CD44: variants seen among roughly 807,000 people sequenced by gnomAD.
CD44 encodes CD44 molecule (IN blood group).
Under a neutral mutation model 88.8 loss-of-function variants are expected in CD44, and 49 were observed. The observed-to-expected ratio is 0.55, with a 90% CI of 0.44 to 0.70. The LOEUF (loss-of-function observed/expected upper bound fraction) is 0.70, where lower values mean the gene tolerates loss of function less well. CD44 is among the 30% of genes least tolerant of loss of function. The pLI, the probability that CD44 is intolerant of heterozygous loss-of-function variation, is 0.00. For missense variants in CD44, 883 were observed against 913.8 expected, an observed-to-expected ratio of 0.97 and a Z score of 0.43; for synonymous variants, 325 against 312.3, an observed-to-expected ratio of 1.04 and a Z score of -0.43.
At chr11:35,221,818 C>T (rs757592091) in intron 17 of CD44, 86 bp downstream of exon 17, 60 of 1,232,376 alleles carry the variant, frequency 4.9e-5, no homozygotes, top group Non-Finnish European at 6.6e-5. Flanking sequence ...GAGCGTAGTC[C>T]CTGGAACCAG....
chr11:35,163,495 T>C (rs1427163729), intron 1 of CD44, among the ~76,000 whole-genome samples: 1 of 152,182 alleles, frequency 6.6e-6, no homozygotes, highest in Non-Finnish European at 1.5e-5. Flanking sequence ...GCATCTGTCC[T>C]GGGAAGAACA....
intron 3 of CD44, among the ~76,000 whole-genome samples, chr11:35,183,347 A>T (rs529761266): frequency 9.2e-5 from 14 of 152,058 alleles, no homozygotes; most frequent in African/African-American, 2.9e-4. Flanking sequence ...ACAAAAAAAA[A>T]AAAAGAAAGA....
In CD44 at chr11:35,219,385, C is replaced by T. The variant is rs1348113673; in HGVS notation, c.1943C>T (p.Pro648Leu). 6.2e-7 allele frequency: 1 copy of T among 1,612,444 alleles called. No homozygotes were observed. The highest frequency in any genetic ancestry group is 8.5e-7 in the Non-Finnish European group (1 of 1,178,722). The change falls in exon 16 of 18, where the codon CCA becomes CTA. Residue 648 changes from proline (P) to leucine (L), a missense_variant and splice_region_variant. Pro to Leu is a moderately conservative substitution (Grantham distance 98). This residue lies in a region of CD44 where 631 missense variants were observed against 590.9 expected (regional missense o/e 1.07). Coordinates refer to ENST00000428726, the MANE Select transcript of CD44 (RefSeq NM_000610.4). The part of the protein sequence containing the change: ...TSGPIRTPQI[P>L]EWLIILASLL... Reference sequence around the variant, plus strand: ...GGTCCTATAAGGACACCCCAAATTCCAGGTGAGTTTCAAACTTTGAGGCAG... The same window carrying T: ...GGTCCTATAAGGACACCCCAAATTCTAGGTGAGTTTCAAACTTTGAGGCAG...
At chr11:35,153,287 A>C (rs1941422519) in intron 1 of CD44, among the ~76,000 whole-genome samples, 1 of 152,230 alleles carries the variant, frequency 6.6e-6, no homozygotes, top group South Asian at 2.1e-4. Context: ...AGAAGATAAT[A>C]GGGTAATGGA....
At chr11:35,157,890 C>T (rs576156706) in intron 1 of CD44, among the ~76,000 whole-genome samples, 46 of 152,288 alleles carry the variant, frequency 3.0e-4, no homozygotes, top group Middle Eastern at 3.4e-3. Context: ...CTTGCTGGGG[C>T]TGAGGGGAGT....
intron 5 of CD44, among the ~76,000 whole-genome samples, chr11:35,192,825 C>T (rs1946398862): frequency 7.2e-6 from 1 of 138,066 alleles, no homozygotes; most frequent in Admixed American, 7.5e-5. Flanking sequence ...TCTGGTATGG[C>T]CTATTTGGGT....
At chr11:35,215,025 A>G (rs1472932697) in intron 15 of CD44, 111 bp downstream of exon 15, 2 of 540,062 alleles carry the variant, frequency 3.7e-6, no homozygotes, top group Non-Finnish European at 6.1e-6. Context: ...AAACCTTCTT[A>G]GCATACATCA....
chr11:35,178,801 A>G (rs1484469254), intron 2 of CD44, among the ~76,000 whole-genome samples: 1 of 152,220 alleles, frequency 6.6e-6, no homozygotes, highest in African/African-American at 2.4e-5. Flanking sequence ...ACCAAGAAGT[A>G]TTATTTAGAA....
chr11:35,140,235 T>C (rs1183795970), intron 1 of CD44, among the ~76,000 whole-genome samples: 1 of 152,194 alleles, frequency 6.6e-6, no homozygotes. Context: ...GTCAGTGCTT[T>C]GTGGTGGCTA....
At chr11:35,198,320 C>A in intron 7 of CD44, 74 bp downstream of exon 7, 1 of 1,437,344 alleles carries the variant, frequency 7.0e-7, no homozygotes, top group South Asian at 1.2e-5. Context: ...CAAATTGTAT[C>A]TCTCTTGAGA....
intron 17 of CD44, among the ~76,000 whole-genome samples, chr11:35,225,436 G>A (rs529432565): frequency 6.6e-6 from 1 of 152,278 alleles, no homozygotes; most frequent in African/African-American, 2.4e-5. Context: ...TGATTGCTGT[G>A]TGCTCAGCTA....
At chr11:35,140,424 T>C (rs934058826) in intron 1 of CD44, among the ~76,000 whole-genome samples, 2 of 152,230 alleles carry the variant, frequency 1.3e-5, no homozygotes, top group Admixed American at 1.3e-4. Flanking sequence ...CTGCATGCAG[T>C]AAATTCTACT....
At position 35,176,691 on chromosome 11, in the gene CD44, A is replaced by G. The variant is rs1944500540; in HGVS notation, c.184A>G (p.Thr62Ala). Reference protein sequence around the residue: ...LCKAFNSTLPTMAQMEKALSI... With the variant: ...LCKAFNSTLPAMAQMEKALSI... ...CAAGGCTTTCAATAGCACCTTGCCC[A>G]CAATGGCCCAGATGGAGAAAGCTCT... is the stretch of plus-strand genomic sequence containing the variant. The change falls in exon 2 of 18, where the codon ACA becomes GCA. Residue 62 changes from threonine to alanine, a missense_variant. By Grantham distance (58) the Thr-to-Ala change is moderately conservative. Transcript: ENST00000428726. 6.2e-7 allele frequency: 1 copy of G among 1,614,186 alleles called. No individual in the cohort carries two copies. Among genetic ancestry groups the G allele is most frequent in the Non-Finnish European group, 8.5e-7 (1 of 1,179,992 alleles).
chr11:35,220,538 C>T (rs182933222), intron 16 of CD44, among the ~76,000 whole-genome samples: 69 of 152,238 alleles, frequency 4.5e-4, no homozygotes, highest in African/African-American at 1.6e-3. Context: ...TGGTTCATTG[C>T]ACACATATAC....
At chr11:35,143,888 GA>G (rs1402179448) in intron 1 of CD44, among the ~76,000 whole-genome samples, 4 of 152,234 alleles carry the variant, frequency 2.6e-5, no homozygotes, top group Non-Finnish European at 4.4e-5. Context: ...TTGTCTACAG[GA>G]CAAGTTAGGG....
intron 17 of CD44, chr11:35,223,392 G>A (rs1472114125): frequency 7.3e-6 from 4 of 549,510 alleles, no homozygotes; most frequent in Admixed American, 6.4e-5. Context: ...CAGTCCATAA[G>A]CTTTGCACAT....
At chr11:35,161,438 A>G (rs1273562657) in intron 1 of CD44, among the ~76,000 whole-genome samples, 1 of 152,162 alleles carries the variant, frequency 6.6e-6, no homozygotes, top group Non-Finnish European at 1.5e-5. Flanking sequence ...ATGAGGGTAA[A>G]TCCTTGCAAT....
At position 35,145,101 on chromosome 11, in the gene CD44, C is replaced by T. The variant is rs116444554; in HGVS notation, c.67+5731C>T. On this transcript the variant is annotated intron_variant, in intron 1 of 17. Transcript: ENST00000428726. ...ATGTGTGTGGTGGGAATTGGTGATG[C>T]CAAAGAATGCTAAAGACTTTCATGC... Among the ~76,000 whole-genome samples the T allele has an allele frequency of 3.8e-3, 574 of 152,298 alleles. 7 individuals carry two copies. The highest frequency in any genetic ancestry group is 0.014 in the African/African-American group (561 of 41,548).
At chr11:35,164,993 C>T (rs943910401) in intron 1 of CD44, among the ~76,000 whole-genome samples, 1 of 152,164 alleles carries the variant, frequency 6.6e-6, no homozygotes, top group Non-Finnish European at 1.5e-5. Flanking sequence ...CTTTGATTGG[C>T]CCCTACCACA....
Sources: gnomAD v4.1 joint callset for allele counts (sites outside exome capture counted in the v4.1 genomes callset) on GRCh38, gnomAD v4.1.1 for gene constraint, gnomAD v4.1.1 regional missense constraint, MANE v1.5 for transcripts, NCBI Gene and HGNC (gene_info 2026-07-23, HGNC 2026-07-21) for gene names.